Variants in DNAH2 observed in about 807,000 individuals in gnomAD.
The protein encoded by DNAH2 is axonemal beta dynein heavy chain 2.
In DNAH2, 323 loss-of-function variants were observed where a neutral mutation model predicts 523.5. The observed-to-expected ratio is 0.62, with a 90% confidence interval of 0.56 to 0.68. The LOEUF is 0.68. Among genes scored for constraint, DNAH2 ranks in the 30% least tolerant of loss-of-function variants. DNAH2 has a pLI of 0.00. For synonymous variants in DNAH2, 2,093 were observed against 2,177.4 expected, an observed-to-expected ratio of 0.96 and a Z score of 1.08; for missense variants, 4,907 against 5,701.5, an observed-to-expected ratio of 0.86 and a Z score of 4.49.
rs2076756079 is a variant in DNAH2, at chr17:7,786,981, A to G, written c.6551A>G (p.Asp2184Gly). ...GAGAACATGAACTCCGTCATGGACGATAACAAGGTGTTGACCCTCATCAAC... is the reference window on the plus strand; with the variant it reads ...GAGAACATGAACTCCGTCATGGACGGTAACAAGGTGTTGACCCTCATCAAC... ...WIENMNSVMDDNKVLTLINGE... is the reference protein window; with the variant it reads ...WIENMNSVMDGNKVLTLINGE... Residue 2184 changes from aspartate (D) to glycine (G), a missense_variant, in exon 42 of 86, where the codon GAT (aspartate) becomes GGT (glycine). By Grantham distance (94) the Asp-to-Gly change is moderately conservative. Transcript: ENST00000572933. This position sits in a 1 kb window ranked among gnomAD's most constrained non-coding sequence, Gnocchi z 7.5. 1.1e-5 allele frequency: 18 copies of G among 1,614,236 alleles called. No individual in the cohort carries two copies. The highest frequency in any genetic ancestry group is 1.5e-5 in the Non-Finnish European group (18 of 1,180,048).
chr17:7,734,442 G>C, intron 6 of DNAH2, 28 bp from the exon 7 acceptor site: 1 of 1,609,760 alleles, frequency 6.2e-7, no homozygotes, highest in African/African-American at 1.3e-5. Flanking sequence ...GTGAAGAAAC[G>C]AAGGAGATTT....
intron 63 of DNAH2, among the ~76,000 whole-genome samples, chr17:7,815,605 C>T (rs184968555): frequency 3.4e-4 from 51 of 151,588 alleles, no homozygotes; most frequent in African/African-American, 2.4e-5. Flanking sequence ...GGATCACATA[C>T]ACATACAGGA....
intron 18 of DNAH2, among the ~76,000 whole-genome samples, chr17:7,761,148 C>G (rs1013852276): frequency 2.0e-5 from 3 of 152,144 alleles, no homozygotes; most frequent in African/African-American, 7.2e-5. Context: ...AAGCAGTTGT[C>G]TAGGGGAGGA....
intron 74 of DNAH2, 76 bp from the exon 75 acceptor site, chr17:7,823,758 C>T (rs2077935330): frequency 6.3e-7 from 1 of 1,584,906 alleles, no homozygotes; most frequent in Non-Finnish European, 8.6e-7. Context: ...ACATTCCCGG[C>T]AGGTGCCCCT....
At position 7,754,890 on chromosome 17, in the gene DNAH2, G is replaced by A; in HGVS notation, c.1905-2201G>A. 1 of 595,562 alleles carries A rather than the reference G, an allele frequency of 1.7e-6. No individual in the cohort carries two copies. Among genetic ancestry groups the A allele is most frequent in the Non-Finnish European group, 3.0e-6 (1 of 334,322 alleles). 36.9% of individuals were successfully genotyped at this position (595,562 alleles called of 1,614,324 possible). ...TGCCAACGTGAGGACAGAAGGACAG[G>A]TGCCACCCACCCCGGGCTGCCGTCT... On this transcript the variant is annotated intron_variant, in intron 12 of 85. Transcript: ENST00000572933. This position sits in a 1 kb window ranked among gnomAD's most constrained non-coding sequence, Gnocchi z 4.6.
intron 12 of DNAH2, among the ~76,000 whole-genome samples, chr17:7,755,552 A>C (rs1463553217): frequency 6.6e-6 from 1 of 152,178 alleles, no homozygotes; most frequent in Non-Finnish European, 1.5e-5. Context: ...AAGAAAAACC[A>C]GGGGTCAGTG....
chr17:7,805,686 AC>A, intron 61 of DNAH2, among the ~76,000 whole-genome samples: 1 of 151,976 alleles, frequency 6.6e-6, no homozygotes, highest in East Asian at 1.9e-4. Flanking sequence ...ACCCATCTCT[AC>A]AAAAAAAAAT....
chr17:7,737,485 C>G (rs1243901187), intron 8 of DNAH2, among the ~76,000 whole-genome samples: 1 of 152,118 alleles, frequency 6.6e-6, no homozygotes, highest in Non-Finnish European at 1.5e-5. Context: ...GTGGCTTAGG[C>G]AGGAAGAGGG....
intron 48 of DNAH2, among the ~76,000 whole-genome samples, chr17:7,793,464 T>TTTCTTTCC (rs2076964944): frequency 8.2e-6 from 1 of 122,290 alleles, no homozygotes; most frequent in African/African-American, 2.8e-5. Flanking sequence ...TCTTTCTTTC[T>TTTCTTTCC]TTCTTTCTTT....
rs775212262 is a variant in DNAH2, at chr17:7,759,091, C to T, written c.2415C>T (p.Asn805=). 15 of 1,614,190 alleles carry T rather than the reference C, an allele frequency of 9.3e-6. No homozygotes were observed. The Admixed American group carries it at 2.2e-4, about 23-fold the overall frequency. The change falls in exon 15 of 86, where the codon AAC becomes AAT. Residue 805 remains asparagine (N), a synonymous_variant. Coordinates refer to ENST00000572933, the MANE Select transcript of DNAH2 (RefSeq NM_020877.5). The stretch of plus-strand genomic sequence containing the variant: ...AGGATGTGGTGACCATCATGACCAA[C>T]TCCTATGAGGTCTTCAAGAATGATG... ...LHQDVVTIMT[N]SYEVFKNDGP... is the part of the protein sequence containing the mutation.
rs182408970 is a variant in DNAH2 at position 7,758,890 on chromosome 17, G to A, written c.2214G>A (p.Gln738=). 3.7e-6 allele frequency: 6 copies of A among 1,614,028 alleles called. No homozygotes were observed. The highest frequency in any genetic ancestry group is 2.7e-5 in the African/African-American group (2 of 75,064). Residue 738 remains glutamine, a synonymous_variant, in exon 15 of 86, where the codon CAG becomes CAA. Coordinates refer to ENST00000572933, the MANE Select transcript of DNAH2 (RefSeq NM_020877.5). ...TECRIHASKV[Q]MIVNEFKAST... is the part of the protein sequence containing the mutation. ...ATGACGGGGCCTGACTCTAGGTGCA[G>A]ATGATTGTGAATGAGTTCAAGGCAT...
At chr17:7,787,406 C>A in intron 42 of DNAH2, 1 of 303,706 alleles carries the variant, frequency 3.3e-6, no homozygotes, top group Non-Finnish European at 6.1e-6. Context: ...AGTGATTTTT[C>A]AAAAGGACAA....
intron 12 of DNAH2, among the ~76,000 whole-genome samples, chr17:7,751,608 G>A (rs2075684952): frequency 6.6e-6 from 1 of 152,092 alleles, no homozygotes; most frequent in Non-Finnish European, 1.5e-5. Flanking sequence ...ATCTCATTTA[G>A]TGAACTACTA....
chr17:7,734,815 C>T, intron 7 of DNAH2, 107 bp downstream of exon 7: 1 of 1,112,514 alleles, frequency 9.0e-7, no homozygotes, highest in South Asian at 1.4e-5. Context: ...TTCGATAGCA[C>T]AGACTGACCC....
chr17:7,802,093 A>T, intron 58 of DNAH2, 76 bp downstream of exon 58: 2 of 1,570,790 alleles, frequency 1.3e-6, no homozygotes, highest in Non-Finnish European at 1.7e-6. Context: ...AATGATGCTG[A>T]TGTGCAAGGG....
Position 7,832,584 on chromosome 17 carries a change from C to A in DNAH2, c.12732C>A (p.Tyr4244Ter). Residue 4244 changes from tyrosine to a stop codon, truncating the protein, a stop_gained, in exon 83 of 86, where the codon TAC becomes TAA. Coordinates refer to ENST00000572933, the MANE Select transcript of DNAH2 (RefSeq NM_020877.5). LOFTEE classifies it high-confidence loss of function. The surrounding 1 kb of genome is among the most constrained non-coding windows in gnomAD (Gnocchi z 4.3). ...AHVPPLWGKA[Y>*]PSQKPLAAWT... ...CACACGCACTCCTTCCCCAGGCATA[C>A]CCCTCACAAAAGCCATTGGCTGCCT... 3 of 1,613,936 alleles carry A rather than the reference C, an allele frequency of 1.9e-6. No individual in the cohort carries two copies. The highest frequency in any genetic ancestry group is 2.5e-6 in the Non-Finnish European group (3 of 1,179,944).
At position 7,740,980 on chromosome 17, in the gene DNAH2, CAG is replaced by C. The variant is rs764308104; in HGVS notation, c.1680_1681del (p.Arg560SerfsTer32). 3.7e-5 allele frequency: 60 copies of C among 1,603,168 alleles called. No individual in the cohort carries two copies. Among genetic ancestry groups the C allele is most frequent in the Non-Finnish European group, 5.1e-5 (60 of 1,171,618 alleles). Reference sequence around the variant, plus strand: ...TGCACATCCTCCGGCGTCGCATCGACAGAGTCATGACCGTAAGTGCCTGGCCT... The same window carrying C: ...TGCACATCCTCCGGCGTCGCATCGACAGTCATGACCGTAAGTGCCTGGCCT... Reference protein sequence around the residue: ...WVHILRRRIDRVMTCLAGAHF... With the variant: ...WVHILRRRIDXVMTCLAGAHF... On this transcript the variant is annotated frameshift_variant, in exon 11 of 86. Coordinates refer to ENST00000572933, the MANE Select transcript of DNAH2 (RefSeq NM_020877.5). LOFTEE classifies it high-confidence loss of function.
At chr17:7,726,988 T>C in intron 3 of DNAH2, 134 bp from the exon 4 acceptor site, 3 of 922,984 alleles carry the variant, frequency 3.3e-6, no homozygotes, top group Non-Finnish European at 4.6e-6. Flanking sequence ...GAAAGCTATC[T>C]TTCAGTTTCT....
In DNAH2 at chr17:7,819,258, A is replaced by G. The variant is rs2077784517; in HGVS notation, c.10865A>G (p.Asn3622Ser). The change falls in exon 72 of 86, where the codon AAT (asparagine) becomes AGT (serine). Residue 3622 changes from asparagine to serine, a missense_variant. Physicochemically the swap from Asn to Ser is conservative, Grantham distance 46 (BLOSUM62 1). Coordinates refer to ENST00000572933, the MANE Select transcript of DNAH2 (RefSeq NM_020877.5). ...QRASILFFVL[N>S]DMGCIDPMYQ... ...GCATCAATCCTGTTCTTCGTGCTCA[A>G]TGATATGGGCTGCATCGACCCCATG... 8 of 1,614,040 alleles carry G rather than the reference A, an allele frequency of 5.0e-6. No homozygotes were observed. The highest frequency in any genetic ancestry group is 6.8e-6 in the Non-Finnish European group (8 of 1,180,040).
Sources: gnomAD v4.1 joint callset for allele counts (sites outside exome capture counted in the v4.1 genomes callset) on GRCh38, gnomAD v4.1.1 for gene constraint, Gnocchi (gnomAD v3.1) non-coding constraint, MANE v1.5 for transcripts, NCBI Gene and HGNC (gene_info 2026-07-23, HGNC 2026-07-21) for gene names.